RAPGEF1: variants seen among roughly 807,000 people sequenced by gnomAD.
The protein encoded by RAPGEF1 is CRK SH3-binding GNRP.
A neutral mutation model predicts 143.3 loss-of-function variants in RAPGEF1; 33 were observed. The observed-to-expected ratio is 0.23, with a 90% CI of 0.17 to 0.31. The LOEUF (loss-of-function observed/expected upper bound fraction) is 0.31, where lower values mean the gene tolerates loss of function less well. Ranked by LOEUF, RAPGEF1 falls within the 10% of genes least tolerant of loss-of-function variation. RAPGEF1 has a pLI of 1.00. For missense variants in RAPGEF1, 1,199 were observed against 1,645.4 expected (o/e 0.73, Z 4.69); for synonymous variants, 629 against 676.5 (o/e 0.93, Z 1.09).
chr9:131,739,514 GCGCCCGGCCCCGGGTTGCAGGGGCCC>G (rs1241686669), intron 1 of RAPGEF1, among the ~76,000 whole-genome samples: 1 of 151,506 alleles, frequency 6.6e-6, no homozygotes, highest in Non-Finnish European at 1.5e-5. Context: ...AGCGGCTAGC[GCGCCCGGCCCCGGGTTGCAGGGGCCC>G]CGCCCGGCCC....
At chr9:131,653,396 A>G (rs1971610213) in intron 1 of RAPGEF1, among the ~76,000 whole-genome samples, 1 of 152,222 alleles carries the variant, frequency 6.6e-6, no homozygotes, top group Non-Finnish European at 1.5e-5. Flanking sequence ...ACGGATATGG[A>G]GGGTCAGCTA....
intron 10 of RAPGEF1, 88 bp from the exon 11 acceptor site, chr9:131,622,086 G>C: frequency 7.7e-7 from 1 of 1,302,376 alleles, no homozygotes; most frequent in Non-Finnish European, 1.1e-6. Context: ...GCAGCTAGGG[G>C]GCTTTCCACT....
chr9:131,627,003 A>AG (rs55976652), intron 9 of RAPGEF1, among the ~76,000 whole-genome samples: 7 of 151,724 alleles, frequency 4.6e-5, no homozygotes, highest in African/African-American at 1.7e-4. Flanking sequence ...CAGATCACCT[A>AG]GAGTTCAAGA....
At chr9:131,619,027 A>G in intron 12 of RAPGEF1, 24 bp downstream of exon 12, 1 of 1,351,270 alleles carries the variant, frequency 7.4e-7, no homozygotes, top group Non-Finnish European at 9.9e-7. Flanking sequence ...GTTTCCAAGT[A>G]AAGAACAGCA....
chr9:131,627,213 C>CAAAAAAAAAAAAAAAAAAAAAAAAAAAAA (rs10690802), intron 9 of RAPGEF1, among the ~76,000 whole-genome samples: 1 of 97,406 alleles, frequency 1.0e-5, no homozygotes, highest in Non-Finnish European at 1.9e-5. Flanking sequence ...GGCTCTGTCT[C>CAAAAAAAAAAAAAAAAAAAAAAAAAAAAA]AAAAAAAAAA....
chr9:131,714,570 T>C (rs1029359674), intron 1 of RAPGEF1, among the ~76,000 whole-genome samples: 1 of 152,130 alleles, frequency 6.6e-6, no homozygotes, highest in Admixed American at 6.5e-5. Context: ...TGTGGGAATG[T>C]TCCAAGTGTG....
chr9:131,606,575 G>A (rs539600979), intron 12 of RAPGEF1, among the ~76,000 whole-genome samples: 3 of 152,236 alleles, frequency 2.0e-5, no homozygotes, highest in Non-Finnish European at 4.4e-5. Context: ...CAGAACCCAT[G>A]GAAAAGAGGA....
intron 1 of RAPGEF1, among the ~76,000 whole-genome samples, chr9:131,734,314 C>A (rs1301034070): frequency 6.6e-6 from 1 of 152,204 alleles, no homozygotes; most frequent in African/African-American, 2.4e-5. Context: ...GAGGGATACT[C>A]CGCCCTGCCC....
chr9:131,606,816 G>C (rs1957193648), intron 12 of RAPGEF1, among the ~76,000 whole-genome samples: 1 of 151,942 alleles, frequency 6.6e-6, no homozygotes, highest in Non-Finnish European at 1.5e-5. Context: ...GTAGAAACGG[G>C]GTCTTTCTAT....
chr9:131,598,978 C>A (rs890597001), intron 15 of RAPGEF1, among the ~76,000 whole-genome samples: 1 of 152,102 alleles, frequency 6.6e-6, no homozygotes, highest in Admixed American at 6.5e-5. Flanking sequence ...GCACATGCCA[C>A]TACGTCCTGC....
rs756929933 is a variant in RAPGEF1, at chr9:131,650,108, T to C, written c.315+21A>G. The stretch of plus-strand genomic sequence containing the variant: ...CAGTAGAAGGCAAGGCAAACCCAAT[T>C]GTTCTTAATGTTACACTGACCTTCT... On this transcript the variant is annotated intron_variant, in intron 3 of 26. Transcript: ENST00000683357. The surrounding 1 kb of genome is among the most constrained non-coding windows in gnomAD (Gnocchi z 4.7). The C allele has an allele frequency of 2.5e-6, 4 of 1,581,672 alleles. No individual in the cohort carries two copies. Among genetic ancestry groups the C allele is most frequent in the Non-Finnish European group, 3.5e-6 (4 of 1,153,674 alleles).
intron 1 of RAPGEF1, among the ~76,000 whole-genome samples, chr9:131,730,958 G>A (rs1268769948): frequency 6.6e-6 from 1 of 152,066 alleles, no homozygotes. Flanking sequence ...TGTGGCAGAG[G>A]GGTCCCTGGA....
At chr9:131,645,137 C>T (rs1441936381) in intron 3 of RAPGEF1, among the ~76,000 whole-genome samples, 4 of 152,174 alleles carry the variant, frequency 2.6e-5, no homozygotes, top group Non-Finnish European at 4.4e-5. Flanking sequence ...TTTTCCACCT[C>T]GTGGACAAGA....
chr9:131,606,486 G>A (rs79438356), intron 12 of RAPGEF1, among the ~76,000 whole-genome samples: 6 of 152,178 alleles, frequency 3.9e-5, no homozygotes, highest in African/African-American at 1.2e-4. Context: ...AGGCAGGGAC[G>A]TGAGGAAAGT....
chr9:131,712,346 T>A (rs1835568510), intron 1 of RAPGEF1, among the ~76,000 whole-genome samples: 1 of 152,176 alleles, frequency 6.6e-6, no homozygotes, highest in Non-Finnish European at 1.5e-5. Context: ...AATAAACCAA[T>A]GAGAATTATC....
chr9:131,704,817 G>C (rs1834929292), intron 1 of RAPGEF1, among the ~76,000 whole-genome samples: 1 of 152,154 alleles, frequency 6.6e-6, no homozygotes, highest in Non-Finnish European at 1.5e-5. Context: ...GTGCCTGCCT[G>C]CCTGCCTACC....
At chr9:131,710,549 G>A (rs1253279714) in intron 1 of RAPGEF1, among the ~76,000 whole-genome samples, 1 of 152,164 alleles carries the variant, frequency 6.6e-6, no homozygotes, top group Non-Finnish European at 1.5e-5. Context: ...AGAGTTTGAG[G>A]TTATAAAAGC....
At chr9:131,692,749 A>G (rs1293042976) in intron 1 of RAPGEF1, among the ~76,000 whole-genome samples, 1 of 152,326 alleles carries the variant, frequency 6.6e-6, no homozygotes, top group East Asian at 1.9e-4. Flanking sequence ...GGAATTGCAC[A>G]ATCAGTAGCT....
At chr9:131,623,834 T>G (rs1272001758) in intron 10 of RAPGEF1, among the ~76,000 whole-genome samples, 1 of 152,250 alleles carries the variant, frequency 6.6e-6, no homozygotes, top group Non-Finnish European at 1.5e-5. Context: ...ACATTGGGAC[T>G]GAGCGTGCAT....
Sources: allele counts gnomAD v4.1 joint callset (sites outside exome capture counted in the v4.1 genomes callset), GRCh38; gene constraint gnomAD v4.1.1; non-coding constraint Gnocchi (gnomAD v3.1); transcripts MANE v1.5; gene names NCBI Gene and HGNC (gene_info 2026-07-23, HGNC 2026-07-21).